The following CSNK2A2IP variants were observed in gnomAD, a reference collection of about 807,000 sequenced individuals.
The protein encoded by CSNK2A2IP is casein kinase 2 subunit alpha' interacting protein.
the CSNK2A2IP span, among the ~76,000 whole-genome samples, chr3:88,417,619 G>T: frequency 6.6e-6 from 1 of 152,190 alleles, no homozygotes; most frequent in Non-Finnish European, 1.5e-5. Flanking sequence ...CTATGAGTAT[G>T]ACAGGCAATC....
chr3:88,465,399 A>T, the CSNK2A2IP span: 1 of 1,231,682 alleles, frequency 8.1e-7, no homozygotes, highest in Non-Finnish European at 1.0e-6. Context: ...TTGTGCCATT[A>T]GACTACTTCT....
the CSNK2A2IP span, among the ~76,000 whole-genome samples, chr3:88,454,483 A>T: frequency 1.3e-5 from 2 of 151,920 alleles, no homozygotes; most frequent in Non-Finnish European, 2.9e-5. Context: ...ACATCTAAAA[A>T]TCTATGCTCA....
chr3:88,437,830 A>G, the CSNK2A2IP span, among the ~76,000 whole-genome samples: 40 of 152,284 alleles, frequency 2.6e-4, no homozygotes, highest in East Asian at 2.3e-3. Flanking sequence ...TACTCCCACC[A>G]TCATTATTCA....
the CSNK2A2IP span, among the ~76,000 whole-genome samples, chr3:88,458,141 G>GTTTTTTTTTGTGTTTTTTT: frequency 4.8e-5 from 4 of 83,302 alleles, no homozygotes; most frequent in African/African-American, 2.2e-4. Context: ...TGTAATTGTG[G>GTTTTTTTTTGTGTTTTTTT]TTTTTTTTTT....
chr3:88,397,511 CAAAT>C, the CSNK2A2IP span, among the ~76,000 whole-genome samples: 3 of 152,056 alleles, frequency 2.0e-5, no homozygotes, highest in East Asian at 1.9e-4. Flanking sequence ...ACAAAATTGA[CAAAT>C]AACAGAGATT....
chr3:88,415,385 C>T, the CSNK2A2IP span, among the ~76,000 whole-genome samples: 4 of 152,052 alleles, frequency 2.6e-5, no homozygotes, highest in South Asian at 4.2e-4. Context: ...AAGCAATCTG[C>T]AGGGTTAAAA....
At chr3:88,389,821 C>T in the CSNK2A2IP span, among the ~76,000 whole-genome samples, 4 of 133,190 alleles carry the variant, frequency 3.0e-5, no homozygotes, top group Non-Finnish European at 6.8e-5. Context: ...ACTAAAAACC[C>T]TGTACTTTTT....
chr3:88,392,098 T>G, the CSNK2A2IP span, among the ~76,000 whole-genome samples: 1 of 152,260 alleles, frequency 6.6e-6, no homozygotes, highest in Non-Finnish European at 1.5e-5. Context: ...AACCAGGGAA[T>G]AGCTAGGAAC....
the CSNK2A2IP span, among the ~76,000 whole-genome samples, chr3:88,427,224 G>A: frequency 0.072 from 10,987 of 152,236 alleles, 600 homozygotes; most frequent in Non-Finnish European, 0.11. Context: ...TTAGCAAAGA[G>A]GCTGCCCTTG....
At chr3:88,392,805 C>T in the CSNK2A2IP span, among the ~76,000 whole-genome samples, 1 of 152,136 alleles carries the variant, frequency 6.6e-6, no homozygotes, top group African/African-American at 2.4e-5. Flanking sequence ...GGATAGTTAA[C>T]TGGGCTATTG....
At chr3:88,370,598 T>TCTCTC in the CSNK2A2IP span, among the ~76,000 whole-genome samples, 1 of 128,800 alleles carries the variant, frequency 7.8e-6, no homozygotes, top group African/African-American at 2.8e-5. Context: ...CTTTCTTTCT[T>TCTCTC]TCTCTCTCTC....
At chr3:88,415,173 G>A in the CSNK2A2IP span, among the ~76,000 whole-genome samples, 1 of 151,998 alleles carries the variant, frequency 6.6e-6, no homozygotes, top group East Asian at 1.9e-4. Flanking sequence ...TTCCTCACGA[G>A]TATTTCATTT....
chr3:88,433,166 T>G, the CSNK2A2IP span, among the ~76,000 whole-genome samples: 1 of 152,162 alleles, frequency 6.6e-6, no homozygotes, highest in East Asian at 1.9e-4. Context: ...TGTTTTCTTT[T>G]ATAAATTTAG....
the CSNK2A2IP span, among the ~76,000 whole-genome samples, chr3:88,346,955 C>T: frequency 1.7e-3 from 261 of 152,048 alleles, 2 homozygotes; most frequent in East Asian, 0.046. Flanking sequence ...TCATTGAGAA[C>T]ATTCATGATT....
At chr3:88,459,622 C>T in the CSNK2A2IP span, among the ~76,000 whole-genome samples, 7 of 152,164 alleles carry the variant, frequency 4.6e-5, no homozygotes, top group Non-Finnish European at 8.8e-5. Context: ...AGTAAATATG[C>T]TAATCTTTTA....
chr3:88,359,230 T>A, the CSNK2A2IP span, among the ~76,000 whole-genome samples: 2 of 151,880 alleles, frequency 1.3e-5, no homozygotes, highest in East Asian at 3.9e-4. Context: ...TCAGTTGTAA[T>A]GTCTCTTTTT....
chr3:88,389,419 A>G, the CSNK2A2IP span, among the ~76,000 whole-genome samples: 2 of 152,092 alleles, frequency 1.3e-5, no homozygotes, highest in Non-Finnish European at 2.9e-5. Flanking sequence ...GTGGATGGAG[A>G]GAAGTGAGGC....
the CSNK2A2IP span, among the ~76,000 whole-genome samples, chr3:88,355,628 A>T: frequency 6.6e-6 from 1 of 152,134 alleles, no homozygotes; most frequent in African/African-American, 2.4e-5. Context: ...TTCTCTTTCC[A>T]TTTAACCCAT....
the CSNK2A2IP span, among the ~76,000 whole-genome samples, chr3:88,399,005 A>C: frequency 1.3e-5 from 2 of 152,196 alleles, no homozygotes; most frequent in South Asian, 4.1e-4. Context: ...AAGGATACAA[A>C]GATGAATCAG....
Sources: allele counts gnomAD v4.1 joint callset (sites outside exome capture counted in the v4.1 genomes callset), GRCh38; gene constraint gnomAD v4.1.1; transcripts MANE v1.5; gene names NCBI Gene and HGNC (gene_info 2026-07-23, HGNC 2026-07-21).